DLGAP2: variants seen among roughly 807,000 people sequenced by gnomAD.
The protein encoded by DLGAP2 is disks large-associated protein 2.
Under a neutral mutation model 100.3 loss-of-function variants are expected in DLGAP2, and 26 were observed. The observed-to-expected ratio is 0.26, with a 90% confidence interval of 0.19 to 0.36. The LOEUF is 0.36. Among genes scored for constraint, DLGAP2 ranks in the 10% least tolerant of loss-of-function variants. The pLI is 1.00. For synonymous variants in DLGAP2, 886 were observed against 630.1 expected (o/e 1.41, Z -6.08); for missense variants, 1,858 against 1,453.2 (o/e 1.28, Z -4.53).
intron 4 of DLGAP2, among the ~76,000 whole-genome samples, chr8:1,537,612 C>G (rs1801196312): frequency 6.6e-6 from 1 of 152,082 alleles, no homozygotes; most frequent in African/African-American, 2.4e-5. Context: ...AGGGACCATC[C>G]TGCTCATCTC....
intron 6 of DLGAP2, among the ~76,000 whole-genome samples, chr8:1,594,642 C>G (rs1796393561): frequency 6.6e-6 from 1 of 152,048 alleles, no homozygotes; most frequent in Non-Finnish European, 1.5e-5. Context: ...CAGGCTGATC[C>G]TGAACTCCTG....
At chr8:1,135,848 C>G (rs928895247) in intron 2 of DLGAP2, among the ~76,000 whole-genome samples, 6 of 152,140 alleles carry the variant, frequency 3.9e-5, no homozygotes, top group African/African-American at 1.4e-4. Flanking sequence ...CTCTGCTGAG[C>G]ACGGGGGATT....
chr8:1,174,687 CATT>C (rs1263320293), intron 2 of DLGAP2, among the ~76,000 whole-genome samples: 1 of 150,596 alleles, frequency 6.6e-6, no homozygotes. Flanking sequence ...CCACCATCAT[CATT>C]ACCATCACCA....
At chr8:1,516,374 A>AGTGAGTGACTGAGTGAATGAGTGG (rs1373636594) in intron 4 of DLGAP2, among the ~76,000 whole-genome samples, 1 of 152,022 alleles carries the variant, frequency 6.6e-6, no homozygotes, top group Non-Finnish European at 1.5e-5. Context: ...TGAATGAGTG[A>AGTGAGTGACTGAGTGAATGAGTGG]GTGAGTGACT....
At chr8:909,612 G>A (rs1285446733) in intron 2 of DLGAP2, among the ~76,000 whole-genome samples, 5 of 152,120 alleles carry the variant, frequency 3.3e-5, no homozygotes, top group African/African-American at 4.8e-5. Context: ...GGGCCTCAAC[G>A]CAGAGGACAT....
intron 3 of DLGAP2, among the ~76,000 whole-genome samples, chr8:1,495,308 C>A (rs1466958968): frequency 6.6e-6 from 1 of 152,138 alleles, no homozygotes; most frequent in Non-Finnish European, 1.5e-5. Flanking sequence ...TGCCCGGCAG[C>A]TGTGGGGGAA....
At chr8:886,944 ATCTG>A (rs1366030131) in intron 1 of DLGAP2, among the ~76,000 whole-genome samples, 1 of 152,142 alleles carries the variant, frequency 6.6e-6, no homozygotes, top group African/African-American at 2.4e-5. Context: ...TGTCTTGTTG[ATCTG>A]TCTAACACTG....
chr8:847,651 C>T lies in DLGAP2; in HGVS notation c.19-60261C>T, dbSNP rs139991153. Reference sequence around the variant, plus strand: ...CCTCCAGAGTAGCTGGGACTATAGGCGCACGCAACCACACCTGGCTAATTT... The same window carrying T: ...CCTCCAGAGTAGCTGGGACTATAGGTGCACGCAACCACACCTGGCTAATTT... On this transcript the variant is annotated intron_variant, in intron 1 of 14. Coordinates refer to ENST00000637795, the MANE Select transcript of DLGAP2 (RefSeq NM_001346810.2). Among the ~76,000 whole-genome samples the T allele has an allele frequency of 3.6e-3, 552 of 152,130 alleles. 1 individual carries two copies. The highest frequency in any genetic ancestry group is 0.013 in the African/African-American group (524 of 41,470).
At chr8:1,370,518 G>A (rs1326233707) in intron 3 of DLGAP2, among the ~76,000 whole-genome samples, 1 of 152,194 alleles carries the variant, frequency 6.6e-6, no homozygotes, top group Non-Finnish European at 1.5e-5. Flanking sequence ...TAAGTAACAA[G>A]TCACATTTCT....
intron 4 of DLGAP2, among the ~76,000 whole-genome samples, chr8:1,522,809 A>G (rs569553349): frequency 6.6e-6 from 1 of 152,336 alleles, no homozygotes; most frequent in African/African-American, 2.4e-5. Context: ...AACAACAGCC[A>G]TTTATTCTCT....
chr8:1,205,482 C>T (rs1201579315), intron 2 of DLGAP2, among the ~76,000 whole-genome samples: 1 of 152,162 alleles, frequency 6.6e-6, no homozygotes, highest in Non-Finnish European at 1.5e-5. Context: ...GGGAGAGAGT[C>T]CAGGCAATTG....
intron 2 of DLGAP2, among the ~76,000 whole-genome samples, chr8:1,107,539 C>G (rs1473065733): frequency 2.0e-5 from 3 of 152,178 alleles, no homozygotes; most frequent in Non-Finnish European, 2.9e-5. Context: ...GCGTGGGAAG[C>G]TCGTGTGCTG....
At chr8:1,355,907 A>T (rs2129638674) in intron 3 of DLGAP2, among the ~76,000 whole-genome samples, 1 of 152,270 alleles carries the variant, frequency 6.6e-6, no homozygotes, top group South Asian at 2.1e-4. Context: ...TTCATATTCA[A>T]ATTAAGCACA....
At chr8:1,643,427 A>C (rs878921571) in intron 8 of DLGAP2, among the ~76,000 whole-genome samples, 3 of 8,630 alleles carry the variant, frequency 3.5e-4, no homozygotes, top group Non-Finnish European at 3.7e-4. Flanking sequence ...TCACCCTGGA[A>C]CCCGCCGGCC....
At chr8:1,497,773 C>T (rs1053432185) in intron 3 of DLGAP2, among the ~76,000 whole-genome samples, 3 of 152,184 alleles carry the variant, frequency 2.0e-5, no homozygotes, top group Non-Finnish European at 4.4e-5. Context: ...TCCACGGGGA[C>T]ATGTTCCAAG....
chr8:772,473 C>T (rs1203170730), intron 1 of DLGAP2, among the ~76,000 whole-genome samples: 3 of 152,084 alleles, frequency 2.0e-5, no homozygotes, highest in African/African-American at 7.2e-5. Context: ...CAGGCACACA[C>T]CACCGTGTCT....
intron 2 of DLGAP2, among the ~76,000 whole-genome samples, chr8:1,213,060 GGTGA>G (rs1798139634): frequency 6.6e-6 from 1 of 152,042 alleles, no homozygotes; most frequent in Non-Finnish European, 1.5e-5. Context: ...GCCACAGAAC[GGTGA>G]GTATCCAGCA....
intron 2 of DLGAP2, among the ~76,000 whole-genome samples, chr8:1,180,559 T>C (rs1440195349): frequency 6.6e-6 from 1 of 152,114 alleles, no homozygotes; most frequent in Non-Finnish European, 1.5e-5. Flanking sequence ...CCAGTGCGTG[T>C]GGCACACATC....
rs139824607 is a variant in DLGAP2, at chr8:993,925, C to T, written c.73+85959C>T. Among the ~76,000 whole-genome samples the T allele has an allele frequency of 2.2e-3, 337 of 151,784 alleles. 1 individual carries two copies. Among genetic ancestry groups the T allele is most frequent in the Admixed American group, 7.9e-3 (121 of 15,230 alleles). On this transcript the variant is annotated intron_variant, in intron 2 of 14. Coordinates refer to ENST00000637795, the MANE Select transcript of DLGAP2 (RefSeq NM_001346810.2). The stretch of plus-strand genomic sequence containing the variant: ...GAGGCTTGACTCTAATAGCAGATCC[C>T]GGCTGGTAATTTTCCCTTTTTGGTT...
Sources: gnomAD v4.1 joint callset for allele counts (sites outside exome capture counted in the v4.1 genomes callset) on GRCh38, gnomAD v4.1.1 for gene constraint, MANE v1.5 for transcripts, NCBI Gene and HGNC (gene_info 2026-07-23, HGNC 2026-07-21) for gene names.